ROBO2: variants seen among roughly 807,000 people sequenced by gnomAD.
The protein encoded by ROBO2 is roundabout homolog 2.
In ROBO2, 53 loss-of-function variants were observed where a neutral mutation model predicts 160.8. That is an observed-to-expected ratio of 0.33 (90% CI 0.26 to 0.41). The LOEUF (loss-of-function observed/expected upper bound fraction) is 0.41. ROBO2 is among the 10% of genes least tolerant of loss of function. The probability of loss-of-function intolerance (pLI) is 1.00; values close to 1 mark genes in which losing one functional copy is unlikely to be tolerated. For synonymous variants in ROBO2, 664 were observed against 611.7 expected (o/e 1.09, Z -1.26); for missense variants, 1,577 against 1,722.4 (o/e 0.92, Z 1.49).
At chr3:76,753,669 T>TA (rs1289013559) in intron 2 of ROBO2, among the ~76,000 whole-genome samples, 1 of 151,680 alleles carries the variant, frequency 6.6e-6, no homozygotes, top group Non-Finnish European at 1.5e-5. Context: ...TGAAAAAGAG[T>TA]AAAAAAAGAG....
intron 2 of ROBO2, among the ~76,000 whole-genome samples, chr3:76,884,493 A>G (rs973616763): frequency 2.0e-5 from 3 of 152,204 alleles, no homozygotes; most frequent in Non-Finnish European, 2.9e-5. Flanking sequence ...AACGCAGCAG[A>G]GAAACCTTGC....
chr3:76,177,099 A>G (rs888182092), intron 2 of ROBO2, among the ~76,000 whole-genome samples: 5 of 152,160 alleles, frequency 3.3e-5, no homozygotes, highest in African/African-American at 1.2e-4. Context: ...CTGTATTAAT[A>G]CTAGTGTGTA....
chr3:76,076,188 G>A lies in ROBO2; in HGVS notation c.109+138586G>A, dbSNP rs373404927. Among the ~76,000 whole-genome samples the A allele has an allele frequency of 5.3e-5, 8 of 152,232 alleles. No individual in the cohort carries two copies. The East Asian group carries it at 1.5e-3, about 29-fold the overall frequency. On this transcript the variant is annotated intron_variant, in intron 2 of 26. Transcript: ENST00000487694. The stretch of plus-strand genomic sequence containing the variant: ...CGTTTACTCTCCTGCACCTCCCTTT[G>A]AGATCAATTGCATCCATTTGCTGGA...
chr3:76,277,964 G>A (rs755573111), intron 2 of ROBO2, among the ~76,000 whole-genome samples: 14 of 150,190 alleles, frequency 9.3e-5, no homozygotes, highest in Non-Finnish European at 1.9e-4. Flanking sequence ...CTCAGTGATT[G>A]ACACACAGTA....
At chr3:76,926,713 GA>G (rs750008099) in intron 2 of ROBO2, among the ~76,000 whole-genome samples, 5 of 152,168 alleles carry the variant, frequency 3.3e-5, no homozygotes, top group Non-Finnish European at 7.3e-5. Flanking sequence ...TCACATTTTA[GA>G]AAGCTTGATT....
intron 2 of ROBO2, among the ~76,000 whole-genome samples, chr3:76,455,672 C>G (rs2077712787): frequency 6.6e-6 from 1 of 152,004 alleles, no homozygotes; most frequent in Admixed American, 6.6e-5. Context: ...TTTAAAATTC[C>G]TGTACTTTTA....
At chr3:76,203,940 AGTACTGAACCAG>A (rs1702681978) in intron 2 of ROBO2, among the ~76,000 whole-genome samples, 1 of 152,200 alleles carries the variant, frequency 6.6e-6, no homozygotes, top group South Asian at 2.1e-4. Flanking sequence ...TCCTGCCCGC[AGTACTGAACCAG>A]GCATTGCATT....
intron 2 of ROBO2, among the ~76,000 whole-genome samples, chr3:76,233,450 G>A (rs1286914662): frequency 6.6e-6 from 1 of 152,072 alleles, no homozygotes; most frequent in Admixed American, 6.6e-5. Flanking sequence ...GGCCTGCTGG[G>A]TATTATTGTA....
chr3:77,561,721 G>T (rs1480483617), intron 9 of ROBO2, among the ~76,000 whole-genome samples: 1 of 151,964 alleles, frequency 6.6e-6, no homozygotes, highest in Non-Finnish European at 1.5e-5. Flanking sequence ...TTTTTTTAAT[G>T]ATACTTTATT....
chr3:76,648,186 T>C (rs1560301537), intron 2 of ROBO2, among the ~76,000 whole-genome samples: 1 of 152,050 alleles, frequency 6.6e-6, no homozygotes, highest in Non-Finnish European at 1.5e-5. Context: ...CTACTAAAAA[T>C]AGTGGAAAAC....
At chr3:76,223,583 C>A (rs914472480) in intron 2 of ROBO2, among the ~76,000 whole-genome samples, 1 of 152,120 alleles carries the variant, frequency 6.6e-6, no homozygotes, top group African/African-American at 2.4e-5. Context: ...TCAGTTTTTC[C>A]CCAATCGGTG....
intron 2 of ROBO2, among the ~76,000 whole-genome samples, chr3:76,770,660 G>T (rs557754456): frequency 3.3e-5 from 5 of 151,244 alleles, no homozygotes; most frequent in African/African-American, 7.3e-5. Context: ...AACAAAGAAT[G>T]TAAAGGAGAA....
intron 2 of ROBO2, among the ~76,000 whole-genome samples, chr3:77,384,543 A>G (rs1382264739): frequency 1.3e-5 from 2 of 152,180 alleles, no homozygotes; most frequent in African/African-American, 4.8e-5. Flanking sequence ...ACAGCCTTCT[A>G]GTCTCCTATT....
chr3:76,215,100 T>C (rs1274176622), intron 2 of ROBO2, among the ~76,000 whole-genome samples: 1 of 152,050 alleles, frequency 6.6e-6, no homozygotes, highest in Non-Finnish European at 1.5e-5. Flanking sequence ...CAGCTGAGGG[T>C]CTTGACTGTT....
chr3:76,117,188 C>G (rs2070507925), intron 2 of ROBO2, among the ~76,000 whole-genome samples: 1 of 152,150 alleles, frequency 6.6e-6, no homozygotes, highest in Non-Finnish European at 1.5e-5. Flanking sequence ...GATGTGTTGT[C>G]AGAACACATT....
At chr3:76,892,191 G>A (rs2074399786) in intron 2 of ROBO2, among the ~76,000 whole-genome samples, 1 of 151,326 alleles carries the variant, frequency 6.6e-6, no homozygotes. Flanking sequence ...GTGTCACTCA[G>A]TGGTTCCGTC....
intron 2 of ROBO2, among the ~76,000 whole-genome samples, chr3:77,184,014 A>G (rs1285441321): frequency 6.6e-6 from 1 of 150,518 alleles, no homozygotes; most frequent in Non-Finnish European, 1.5e-5. Context: ...CCTGGACATC[A>G]TTAGATACCA....
At chr3:77,596,120 T>A (rs1387062086) in intron 18 of ROBO2, among the ~76,000 whole-genome samples, 1 of 152,192 alleles carries the variant, frequency 6.6e-6, no homozygotes, top group Non-Finnish European at 1.5e-5. Flanking sequence ...ATGTGCTATT[T>A]ATGGAGCAGT....
chr3:77,310,321 T>G (rs2063437096), intron 2 of ROBO2, among the ~76,000 whole-genome samples: 1 of 152,156 alleles, frequency 6.6e-6, no homozygotes, highest in African/African-American at 2.4e-5. Context: ...ACCTTCAAAT[T>G]GAATGTTGCA....
Sources: allele counts gnomAD v4.1 joint callset (sites outside exome capture counted in the v4.1 genomes callset), GRCh38; gene constraint gnomAD v4.1.1; transcripts MANE v1.5; gene names NCBI Gene and HGNC (gene_info 2026-07-23, HGNC 2026-07-21).